The following ESR1 variants were observed in gnomAD, a reference collection of about 807,000 sequenced individuals.
The protein encoded by ESR1 is estrogen receptor.
Under a neutral mutation model 52.7 loss-of-function variants are expected in ESR1, and 12 were observed. That is an observed-to-expected ratio of 0.23 (90% CI 0.15 to 0.37). The LOEUF is 0.37. Among genes scored for constraint, ESR1 ranks in the 10% least tolerant of loss-of-function variants. ESR1 has a pLI of 1.00. For synonymous variants in ESR1, 305 were observed against 316.8 expected (o/e 0.96, Z 0.39); for missense variants, 584 against 779.7 (o/e 0.75, Z 2.99).
intron 4 of ESR1, among the ~76,000 whole-genome samples, chr6:151,996,199 C>T (rs1208680115): frequency 6.6e-6 from 1 of 152,176 alleles, no homozygotes; most frequent in Non-Finnish European, 1.5e-5. Context: ...ACTTCAGGAC[C>T]TCCTGCTGTG....
Position 152,100,493 on chromosome 6 carries a change from A to G in ESR1, c.*1527A>G, listed in dbSNP as rs569100738. ...CTTTGACCTATAGGCTAAAAAAGAA[A>G]GGCTCATTCCAGCCACAGGGCAGCC... On this transcript the variant is annotated 3_prime_UTR_variant, in exon 8 of 8. Transcript: ENST00000206249. 6 of 239,936 alleles carry G rather than the reference A, an allele frequency of 2.5e-5. No homozygotes were observed. Among genetic ancestry groups the G allele is most frequent in the African/African-American group, 1.3e-4 (6 of 45,646 alleles). The allele number at this position is 239,936 out of a possible 1,614,324, so 14.9% of individuals were successfully genotyped here.
chr6:151,832,025 T>G (rs1391053202), intron 1 of ESR1, among the ~76,000 whole-genome samples: 4 of 152,190 alleles, frequency 2.6e-5, no homozygotes, highest in Non-Finnish European at 4.4e-5. Context: ...TTTTTAGGGA[T>G]GAGAATTACC....
chr6:151,665,802 A>G (rs1777802312), intron 1 of ESR1, among the ~76,000 whole-genome samples: 2 of 152,226 alleles, frequency 1.3e-5, no homozygotes, highest in Non-Finnish European at 1.5e-5. Flanking sequence ...ATTTTCTCTT[A>G]GGAATATAGA....
intron 1 of ESR1, among the ~76,000 whole-genome samples, chr6:151,824,066 G>T (rs1426284490): frequency 6.6e-6 from 1 of 152,084 alleles, no homozygotes; most frequent in Non-Finnish European, 1.5e-5. Flanking sequence ...CACAATGGTT[G>T]AACTAGTTTA....
chr6:152,018,387 A>G (rs2043331611), intron 5 of ESR1, among the ~76,000 whole-genome samples: 1 of 151,886 alleles, frequency 6.6e-6, no homozygotes, highest in African/African-American at 2.4e-5. Context: ...GTAAAACTTC[A>G]GGTAAATTCT....
intron 5 of ESR1, among the ~76,000 whole-genome samples, chr6:152,040,788 C>T (rs1204435117): frequency 5.9e-5 from 9 of 152,148 alleles, no homozygotes; most frequent in Admixed American, 5.9e-4. Flanking sequence ...CCTCTGTCAG[C>T]TTATCATAGG....
At chr6:151,989,699 G>T (rs2040834534) in intron 4 of ESR1, among the ~76,000 whole-genome samples, 1 of 152,002 alleles carries the variant, frequency 6.6e-6, no homozygotes, top group Non-Finnish European at 1.5e-5. Context: ...AGATCACTGG[G>T]ATCTCATGGT....
intron 1 of ESR1, chr6:151,809,222 C>T (rs557973923): frequency 6.6e-6 from 3 of 457,876 alleles, no homozygotes; most frequent in Non-Finnish European, 9.2e-6. Context: ...GTGGAAGGAG[C>T]GCGGCCGGTC....
chr6:152,126,991 T>C (rs2053686987), exon 7 of ESR1: 1 of 152,234 alleles, frequency 6.6e-6, no homozygotes, highest in Non-Finnish European at 1.5e-5. Context: ...ATCTAGATTG[T>C]CCGTGATCTT....
At chr6:151,689,411 C>T (rs55825638), upstream of ESR1, among the ~76,000 whole-genome samples, 2,932 of 152,202 alleles carry the variant, frequency 0.019, 36 homozygotes, top group East Asian at 0.033. Context: ...CAGTCAATTG[C>T]AATTAAATAC....
intron 2 of ESR1, among the ~76,000 whole-genome samples, chr6:151,799,172 G>A (rs1776992747): frequency 6.6e-6 from 1 of 152,202 alleles, no homozygotes; most frequent in African/African-American, 2.4e-5. Flanking sequence ...GAGGCTGAGG[G>A]TGGGATAGAA....
At chr6:152,091,769 G>T (rs2474148) in intron 6 of ESR1, among the ~76,000 whole-genome samples, 50,703 of 151,864 alleles carry the variant, frequency 0.33, 9,007 homozygotes, top group East Asian at 0.55. Context: ...AGAGAAGAGA[G>T]GCACACATGT....
chr6:151,734,504 C>T (rs547899762), intron 2 of ESR1, among the ~76,000 whole-genome samples: 5 of 152,260 alleles, frequency 3.3e-5, no homozygotes, highest in South Asian at 2.1e-4. Flanking sequence ...CTTGCTCAGC[C>T]CCACTTCATT....
chr6:152,126,287 C>A (rs1200920238), exon 7 of ESR1: 2 of 151,916 alleles, frequency 1.3e-5, no homozygotes, highest in African/African-American at 4.8e-5. Context: ...CCCAAAGCTG[C>A]CTCATCTTCA....
chr6:152,011,786 C>G lies in ESR1; in HGVS notation c.1227C>G (p.Leu409=). 1 of 1,612,898 alleles carries G rather than the reference C, an allele frequency of 6.2e-7. No homozygotes were observed. Among genetic ancestry groups the G allele is most frequent in the Non-Finnish European group, 8.5e-7 (1 of 1,179,392 alleles). The change falls in exon 5 of 8, where the codon CTC becomes CTG. Residue 409 remains leucine (L), a synonymous_variant. Transcript: ENST00000206249. ...AGCTACTGTTTGCTCCTAACTTGCT[C>G]TTGGACAGGTAAGTGACCTGGCTGT... ...PGKLLFAPNL[L]LDRNQGKCVE... is the part of the protein sequence containing the mutation.
chr6:151,726,077 T>TG (rs1052565665), intron 2 of ESR1, among the ~76,000 whole-genome samples: 8 of 152,098 alleles, frequency 5.3e-5, no homozygotes, highest in Non-Finnish European at 1.0e-4. Flanking sequence ...AGTTGTATGG[T>TG]GGGGGGTACC....
At chr6:152,012,017 TAC>T (rs141508452) in intron 5 of ESR1, among the ~76,000 whole-genome samples, 2,438 of 141,538 alleles carry the variant, frequency 0.017, 27 homozygotes, top group African/African-American at 0.023. Context: ...TTATTTCTAA[TAC>T]ACACACACAC....
At position 151,727,853 on chromosome 6, in the gene ESR1, C is replaced by T. The variant is rs561218241; in HGVS notation, c.-71+25848C>T. Among the ~76,000 whole-genome samples the T allele has an allele frequency of 7.2e-5, 11 of 152,294 alleles. No individual in the cohort carries two copies. In the East Asian group the frequency reaches 1.4e-3, roughly 19 times the overall value. On this transcript the variant is annotated intron_variant, in intron 2 of 2. Coordinates refer to the ESR1 transcript ENST00000404742. Reference sequence around the variant, plus strand: ...GTCTCTCACCTGCCACCATGTAAGACGTGCCTTGGCTACTCCTTTGCCATC... The same window carrying T: ...GTCTCTCACCTGCCACCATGTAAGATGTGCCTTGGCTACTCCTTTGCCATC...
At chr6:152,115,587 G>A (rs2152514573) in intron 6 of ESR1, among the ~76,000 whole-genome samples, 1 of 152,250 alleles carries the variant, frequency 6.6e-6, no homozygotes, top group South Asian at 2.1e-4. Context: ...AACCTGCCAG[G>A]TTTGATGACA....
Sources: gnomAD v4.1 joint callset for allele counts (sites outside exome capture counted in the v4.1 genomes callset) on GRCh38, gnomAD v4.1.1 for gene constraint, MANE v1.5 for transcripts, NCBI Gene and HGNC (gene_info 2026-07-23, HGNC 2026-07-21) for gene names.